FRMPD1: variants seen among roughly 807,000 people sequenced by gnomAD.
FRMPD1 encodes FERM and PDZ domain containing 1.
In FRMPD1, 76 loss-of-function variants were observed where a neutral mutation model predicts 117.8. That is an observed-to-expected ratio of 0.65 (90% CI 0.54 to 0.78). The LOEUF (loss-of-function observed/expected upper bound fraction) is 0.78, where lower values mean the gene tolerates loss of function less well. Among genes scored for constraint, FRMPD1 ranks in the 30% least tolerant of loss-of-function variants. The pLI, the probability that FRMPD1 is intolerant of heterozygous loss-of-function variation, is 0.00. For synonymous variants in FRMPD1, 783 were observed against 770.4 expected, an observed-to-expected ratio of 1.02 and a Z score of -0.27; for missense variants, 1,786 against 1,964.5, an observed-to-expected ratio of 0.91 and a Z score of 1.72.
intron 1 of FRMPD1, among the ~76,000 whole-genome samples, chr9:37,674,717 T>C (rs1293620644): frequency 6.6e-6 from 1 of 152,074 alleles, no homozygotes; most frequent in Non-Finnish European, 1.5e-5. Context: ...CAAGAGCAAA[T>C]GAGGAAGAAG....
At position 37,735,676 on chromosome 9, in the gene FRMPD1, A is replaced by G; in HGVS notation, c.1343A>G (p.Glu448Gly). ...GAGTTTGCAAACATCAGCCGTGTAG[A>G]GCTAACGGAAGAGTCTGAGAAAGTG... ...LAEFANISRV[E>G]LTEESEKVSV... Residue 448 changes from glutamate to glycine, a missense_variant, in exon 13 of 16, where the codon GAG (glutamate) becomes GGG (glycine). Coordinates refer to ENST00000377765, the MANE Select transcript of FRMPD1 (RefSeq NM_014907.3). 1 of 1,614,054 alleles carries G rather than the reference A, an allele frequency of 6.2e-7. No individual in the cohort carries two copies. The highest frequency in any genetic ancestry group is 8.5e-7 in the Non-Finnish European group (1 of 1,179,934).
At chr9:37,726,345 A>T (rs1447100758) in intron 7 of FRMPD1, among the ~76,000 whole-genome samples, 1 of 152,230 alleles carries the variant, frequency 6.6e-6, no homozygotes, top group African/African-American at 2.4e-5. Flanking sequence ...TGACCCAGTA[A>T]ACATTTATTG....
At position 37,742,102 on chromosome 9, in the gene FRMPD1, T is replaced by C. The variant is rs1308385563; in HGVS notation, c.2356+1218T>C. ...AGCGTTAGAACTGTGTGTTTCTCAC[T>C]GTGTCCCCAGCACACAGCGTCTAGC... On this transcript the variant is annotated intron_variant, in intron 15 of 15. Transcript: ENST00000377765. Among the ~76,000 whole-genome samples the C allele has an allele frequency of 6.6e-5, 10 of 152,250 alleles. No individual in the cohort carries two copies. The East Asian group carries it at 1.7e-3, about 26-fold the overall frequency.
chr9:37,638,529 T>G, the FRMPD1 span, among the ~76,000 whole-genome samples: 1 of 152,158 alleles, frequency 6.6e-6, no homozygotes, highest in Admixed American at 6.5e-5. Context: ...TTTTAGTAAA[T>G]CTTTGCTGTA....
rs531882907 is a variant in FRMPD1, at chr9:37,707,531, A to G, written c.217A>G (p.Ile73Val). The part of the protein sequence containing the change: ...DTLLQDYGFH[I>V]SESLPLTVVA... ...CCTCCTCCAGGACTATGGATTTCACATTTCTGAGAGCCTTCCCCTTACAGT... is the reference window on the plus strand; with the variant it reads ...CCTCCTCCAGGACTATGGATTTCACGTTTCTGAGAGCCTTCCCCTTACAGT... The change falls in exon 3 of 16, where the codon ATT becomes GTT. Residue 73 changes from isoleucine (I) to valine (V), a missense_variant. By Grantham distance (29) the Ile-to-Val change is conservative. Transcript: ENST00000377765. 4 of 1,614,048 alleles carry G rather than the reference A, an allele frequency of 2.5e-6. No homozygotes were observed. The highest frequency in any genetic ancestry group is 1.3e-5 in the African/African-American group (1 of 75,062).
chr9:37,703,900 C>T (rs537892760), intron 2 of FRMPD1, among the ~76,000 whole-genome samples: 70 of 152,330 alleles, frequency 4.6e-4, no homozygotes, highest in African/African-American at 1.6e-3. Flanking sequence ...TTATCCATGT[C>T]ATTAGTTGAT....
At chr9:37,644,760 G>C in the FRMPD1 span, among the ~76,000 whole-genome samples, 1 of 152,234 alleles carries the variant, frequency 6.6e-6, no homozygotes, top group Non-Finnish European at 1.5e-5. Context: ...CATCTGTGAA[G>C]TGGGGATTGT....
the FRMPD1 span, among the ~76,000 whole-genome samples, chr9:37,634,078 T>C: frequency 6.6e-6 from 1 of 152,240 alleles, no homozygotes; most frequent in African/African-American, 2.4e-5. Flanking sequence ...CTAAATCATA[T>C]GCTTATACTA....
At chr9:37,607,589 C>A in the FRMPD1 span, among the ~76,000 whole-genome samples, 6 of 152,192 alleles carry the variant, frequency 3.9e-5, no homozygotes, top group East Asian at 1.2e-3. Flanking sequence ...CCTTAGTCAT[C>A]TATTTGTTAC....
At chr9:37,708,947 A>G (rs529416573) in intron 4 of FRMPD1, among the ~76,000 whole-genome samples, 1 of 152,304 alleles carries the variant, frequency 6.6e-6, no homozygotes, top group East Asian at 1.9e-4. Flanking sequence ...CTTGGTTGGC[A>G]TATATGTAGT....
At chr9:37,632,935 T>C in the FRMPD1 span, among the ~76,000 whole-genome samples, 1 of 147,586 alleles carries the variant, frequency 6.8e-6, no homozygotes, top group East Asian at 1.9e-4. Context: ...ATTTTTTCTT[T>C]TATATATATA....
chr9:37,637,115 T>G, the FRMPD1 span: 11 of 1,600,352 alleles, frequency 6.9e-6, no homozygotes, highest in Non-Finnish European at 9.4e-6. Context: ...GTCCCAGATC[T>G]GAAGTTTGAT....
At chr9:37,726,852 G>A (rs187950302) in intron 7 of FRMPD1, among the ~76,000 whole-genome samples, 6 of 152,230 alleles carry the variant, frequency 3.9e-5, no homozygotes, top group East Asian at 3.9e-4. Flanking sequence ...CCATGAAAGC[G>A]GGACAGAAGC....
the FRMPD1 span, among the ~76,000 whole-genome samples, chr9:37,616,353 G>A: frequency 6.6e-6 from 1 of 151,812 alleles, no homozygotes; most frequent in Non-Finnish European, 1.5e-5. Context: ...CTAACCTCAA[G>A]TGATCCATCC....
At chr9:37,743,910 A>G (rs544701119) in intron 15 of FRMPD1, among the ~76,000 whole-genome samples, 1 of 151,394 alleles carries the variant, frequency 6.6e-6, no homozygotes, top group East Asian at 2.0e-4. Context: ...AAAAGAAAAA[A>G]AAAAGTCGGC....
At chr9:37,620,369 C>A in the FRMPD1 span, among the ~76,000 whole-genome samples, 2 of 152,282 alleles carry the variant, frequency 1.3e-5, no homozygotes, top group East Asian at 3.9e-4. Context: ...TACCAAGGCT[C>A]ATTTTCCTCA....
chr9:37,738,744 G>T (rs1014416348), intron 14 of FRMPD1, among the ~76,000 whole-genome samples: 4 of 152,152 alleles, frequency 2.6e-5, no homozygotes, highest in African/African-American at 9.7e-5. Context: ...TGGAGGGGTT[G>T]TGGGGGGGAC....
intron 2 of FRMPD1, among the ~76,000 whole-genome samples, chr9:37,704,888 T>C (rs1168902401): frequency 1.3e-5 from 2 of 152,046 alleles, no homozygotes; most frequent in Admixed American, 1.3e-4. Context: ...TTAACCCAAT[T>C]ATTGTGTTTT....
At chr9:37,707,206 T>C (rs1451379825) in intron 2 of FRMPD1, among the ~76,000 whole-genome samples, 2 of 152,208 alleles carry the variant, frequency 1.3e-5, no homozygotes, top group Non-Finnish European at 2.9e-5. Context: ...TATTTAGCAT[T>C]AGCTCATTAA....
Sources: gnomAD v4.1 joint callset for allele counts (sites outside exome capture counted in the v4.1 genomes callset) on GRCh38, gnomAD v4.1.1 for gene constraint, MANE v1.5 for transcripts, NCBI Gene and HGNC (gene_info 2026-07-23, HGNC 2026-07-21) for gene names.